Variants in KAZN observed in about 807,000 individuals in gnomAD.
KAZN encodes kazrin.
KAZN carries 40 observed loss-of-function variants against 87.4 expected under a neutral mutation model. That is an observed-to-expected ratio of 0.46 (90% confidence interval 0.36 to 0.60). The LOEUF is 0.60. Ranked by LOEUF, KAZN falls within the 20% of genes least tolerant of loss-of-function variation. KAZN has a pLI of 0.00. For missense variants in KAZN, 898 were observed against 1,073.9 expected (o/e 0.84, Z 2.29); for synonymous variants, 466 against 458.3 (o/e 1.02, Z -0.22).
rs1049237726 is a variant in KAZN, at chr1:13,991,902, C to G, written c.91+98146C>G. 2.0e-5 allele frequency among the ~76,000 whole-genome samples: 3 copies of G among 152,146 alleles called. No homozygotes were observed. In the East Asian group the frequency reaches 5.8e-4, roughly 29 times the overall value. On this transcript the variant is annotated intron_variant, in intron 1 of 16. Transcript: ENST00000636203. ...CAGACGCAGTGTACCTCATTCCCAA[C>G]CCTCCGTGCCTTACACAGTCTGTCT...
chr1:13,907,522 G>A (rs1639488703), intron 1 of KAZN, among the ~76,000 whole-genome samples: 1 of 148,910 alleles, frequency 6.7e-6, no homozygotes, highest in South Asian at 2.3e-4. Context: ...GGGTGGGTGG[G>A]AATGGGGGGT....
At chr1:15,046,599 T>C (rs753992153) in intron 4 of KAZN, among the ~76,000 whole-genome samples, 4 of 152,204 alleles carry the variant, frequency 2.6e-5, no homozygotes, top group Non-Finnish European at 5.9e-5. Flanking sequence ...GCACCGGGCC[T>C]GGATTCCTGG....
At chr1:14,348,214 G>C (rs1658258972) in intron 2 of KAZN, among the ~76,000 whole-genome samples, 2 of 151,892 alleles carry the variant, frequency 1.3e-5, no homozygotes, top group African/African-American at 2.4e-5. Context: ...CCTTGCCCCA[G>C]TTAATTTTTG....
rs140875895 is a variant in KAZN, at chr1:14,975,809, A to C, written c.418+14934A>C. Among the ~76,000 whole-genome samples, 220 of 152,276 alleles carry C rather than the reference A, an allele frequency of 1.4e-3. 1 individual carries two copies. Among genetic ancestry groups the C allele is most frequent in the Middle Eastern group, 3.4e-3 (1 of 294 alleles). ...TACTGCGGGAGGCCGAGATGGGCGG[A>C]TCATGAGGTCAGGAGATCAAGACCA... is the stretch of plus-strand genomic sequence containing the variant. On this transcript the variant is annotated intron_variant, in intron 2 of 14. Coordinates refer to ENST00000376030, the MANE Select transcript of KAZN (RefSeq NM_201628.3).
intron 2 of KAZN, among the ~76,000 whole-genome samples, chr1:14,265,168 T>C (rs970491383): frequency 6.6e-6 from 1 of 152,186 alleles, no homozygotes; most frequent in African/African-American, 2.4e-5. Context: ...TCCAAATTAG[T>C]AGGTTTCTAA....
upstream of KAZN, among the ~76,000 whole-genome samples, chr1:14,595,374 T>C (rs989024898): frequency 6.6e-6 from 1 of 151,832 alleles, no homozygotes; most frequent in African/African-American, 2.4e-5. Flanking sequence ...TGGTAAAGCC[T>C]GGGGATAAGA....
intron 2 of KAZN, among the ~76,000 whole-genome samples, chr1:14,506,843 G>A (rs1012383050): frequency 6.6e-6 from 1 of 152,204 alleles, no homozygotes; most frequent in Non-Finnish European, 1.5e-5. Context: ...AGATTAAATA[G>A]GAAAAGATAC....
chr1:14,525,923 G>A (rs568334256), intron 2 of KAZN, among the ~76,000 whole-genome samples: 76 of 152,298 alleles, frequency 5.0e-4, no homozygotes, highest in African/African-American at 1.8e-3. Context: ...TTAAACCAAG[G>A]TCTTGGGATC....
intron 1 of KAZN, among the ~76,000 whole-genome samples, chr1:14,011,302 C>T (rs1278088428): frequency 6.6e-6 from 1 of 152,206 alleles, no homozygotes; most frequent in Admixed American, 6.5e-5. Flanking sequence ...TGATCCAGCT[C>T]CAGGTCTTCT....
At chr1:14,381,864 A>G (rs1661396337) in intron 2 of KAZN, among the ~76,000 whole-genome samples, 1 of 152,200 alleles carries the variant, frequency 6.6e-6, no homozygotes, top group Admixed American at 6.5e-5. Flanking sequence ...AAGAGCATCC[A>G]AATTGGAAAG....
At chr1:14,997,644 C>T (rs545175817) in intron 2 of KAZN, among the ~76,000 whole-genome samples, 10 of 152,236 alleles carry the variant, frequency 6.6e-5, no homozygotes, top group East Asian at 1.9e-4. Context: ...CCCAGAACAA[C>T]GTGGATTCTC....
chr1:14,971,869 T>C (rs1244290857), intron 2 of KAZN, among the ~76,000 whole-genome samples: 1 of 152,048 alleles, frequency 6.6e-6, no homozygotes, highest in Non-Finnish European at 1.5e-5. Context: ...GTTGCTCTCT[T>C]GGCCACACCA....
At chr1:13,966,786 A>G (rs759246230) in intron 1 of KAZN, among the ~76,000 whole-genome samples, 4 of 152,230 alleles carry the variant, frequency 2.6e-5, no homozygotes, top group African/African-American at 4.8e-5. Flanking sequence ...ATAATTTTTT[A>G]TATTGGTTAC....
chr1:14,187,044 C>T (rs183475742), intron 2 of KAZN, among the ~76,000 whole-genome samples: 7 of 150,384 alleles, frequency 4.7e-5, no homozygotes, highest in Admixed American at 4.6e-4. Context: ...ATTTTCTCAT[C>T]TTCTCAGCCA....
intron 1 of KAZN, among the ~76,000 whole-genome samples, chr1:14,608,218 CT>C (rs1172266794): frequency 2.0e-5 from 3 of 151,916 alleles, no homozygotes; most frequent in Non-Finnish European, 4.4e-5. Flanking sequence ...TTCCCTTCCT[CT>C]TTTTTTCTTC....
chr1:14,709,026 G>A (rs1267742717), intron 1 of KAZN, among the ~76,000 whole-genome samples: 1 of 152,144 alleles, frequency 6.6e-6, no homozygotes, highest in African/African-American at 2.4e-5. Flanking sequence ...TGATGGTGAT[G>A]ACAAAGACAA....
chr1:14,445,024 C>A (rs528513597), intron 2 of KAZN, among the ~76,000 whole-genome samples: 2 of 125,794 alleles, frequency 1.6e-5, no homozygotes, highest in South Asian at 4.6e-4. Context: ...CAACATAACC[C>A]GTGTGCTTTT....
intron 1 of KAZN, among the ~76,000 whole-genome samples, chr1:14,850,405 A>G (rs1363929328): frequency 6.6e-6 from 1 of 152,314 alleles, no homozygotes; most frequent in East Asian, 1.9e-4. Flanking sequence ...TAAGGCAAAG[A>G]GACTGTATCT....
At chr1:15,025,937 C>T (rs1288280546) in intron 2 of KAZN, among the ~76,000 whole-genome samples, 1 of 152,168 alleles carries the variant, frequency 6.6e-6, no homozygotes, top group East Asian at 1.9e-4. Flanking sequence ...TGAGCACCAC[C>T]TGATGTGACG....
Sources: gnomAD v4.1 joint callset for allele counts (sites outside exome capture counted in the v4.1 genomes callset) on GRCh38, gnomAD v4.1.1 for gene constraint, MANE v1.5 for transcripts, NCBI Gene and HGNC (gene_info 2026-07-23, HGNC 2026-07-21) for gene names.